The following SV2A variants were observed in gnomAD, a reference collection of about 807,000 sequenced individuals.
SV2A encodes the protein solute carrier family 22 member B1.
A neutral mutation model predicts 78.0 loss-of-function variants in SV2A; 25 were observed. The observed-to-expected ratio is 0.32, with a 90% CI of 0.23 to 0.45. The LOEUF (loss-of-function observed/expected upper bound fraction) is 0.45, where lower values mean the gene tolerates loss of function less well. Ranked by LOEUF, SV2A falls within the 20% of genes least tolerant of loss-of-function variation. The probability of loss-of-function intolerance (pLI) is 1.00; values close to 1 mark genes in which losing one functional copy is unlikely to be tolerated. For missense variants in SV2A, 752 were observed against 971.5 expected (o/e 0.77, Z 3.00); for synonymous variants, 355 against 384.7 (o/e 0.92, Z 0.90).
Position 149,910,439 on chromosome 1 carries a change from C to T in SV2A, c.1089+131G>A, listed in dbSNP as rs1553763525. 1 of 1,311,770 alleles carries T rather than the reference C, an allele frequency of 7.6e-7. No individual in the cohort carries two copies. Among genetic ancestry groups the T allele is most frequent in the African/African-American group, 1.5e-5 (1 of 67,272 alleles). The allele number at this position is 1,311,770 out of a possible 1,614,324, so 81.3% of individuals were successfully genotyped here. ...GATAAAGTCCCCTGGAGAGTGGACT[C>T]TGTGAGGAAGGCAGGCAGTCAAACA... On this transcript the variant is annotated intron_variant, in intron 5 of 12. Coordinates refer to ENST00000369146, the MANE Select transcript of SV2A (RefSeq NM_014849.5). The surrounding 1 kb of genome is among the most constrained non-coding windows in gnomAD (Gnocchi z 4.2).
At position 149,913,914 on chromosome 1, in the gene SV2A, TAG is replaced by T. The variant is rs2092495221; in HGVS notation, c.-76_-75del. ...TTTCAGCTTTTTGCTCAAGGACTTG[TAG>T]AGTCAAAAAGACCCCTCCCCACAGT... is the stretch of plus-strand genomic sequence containing the variant. On this transcript the variant is annotated 5_prime_UTR_variant, in exon 2 of 13. Transcript: ENST00000369146. The T allele has an allele frequency of 3.4e-5, 52 of 1,521,536 alleles. No homozygotes were observed. The South Asian group carries it at 5.5e-4, about 16-fold the overall frequency. 94.3% of individuals were successfully genotyped at this position (1,521,536 alleles called of 1,614,324 possible).
At position 149,910,741 on chromosome 1, in the gene SV2A, A is replaced by G; in HGVS notation, c.956-38T>C. The G allele has an allele frequency of 6.2e-7, 1 of 1,613,148 alleles. No homozygotes were observed. The highest frequency in any genetic ancestry group is 1.3e-5 in the African/African-American group (1 of 75,004). On this transcript the variant is annotated intron_variant, in intron 4 of 12. Transcript: ENST00000369146. The surrounding 1 kb of genome is among the most constrained non-coding windows in gnomAD (Gnocchi z 4.2). ...AAGTGACAGCATCAGCAGAGAGGCC[A>G]GAGGCTGGGGGAACCCACCACAGGG... is the stretch of plus-strand genomic sequence containing the variant.
chr1:149,908,742 A>T (rs193284441), intron 8 of SV2A, among the ~76,000 whole-genome samples: 83 of 152,048 alleles, frequency 5.5e-4, no homozygotes, highest in African/African-American at 1.8e-3. Flanking sequence ...GATTCACACC[A>T]TTCTCCTGCC....
intron 2 of SV2A, among the ~76,000 whole-genome samples, chr1:149,912,381 G>C (rs1031721014): frequency 6.6e-6 from 1 of 152,024 alleles, no homozygotes; most frequent in Non-Finnish European, 1.5e-5. Context: ...GCTCTCATTT[G>C]TTCCTGGGGA....
intron 12 of SV2A, chr1:149,905,549 G>C (rs2092432120): frequency 3.3e-6 from 1 of 307,318 alleles, no homozygotes; most frequent in South Asian, 5.0e-5. Flanking sequence ...CACCTCCCGG[G>C]TTCAAGCAAT....
Position 149,905,041 on chromosome 1 carries a change from A to G in SV2A, c.2202T>C (p.Pro734=). ...ACTGCAGCACCTGCCCCCGGGTCTC[A>G]GGCAGCTTCAGGGCCAGAGAGCTGC... ...ALGSSLALKL[P]ETRGQVLQ Residue 734 remains proline, a synonymous_variant, in exon 13 of 13, where the codon CCT becomes CCC. Transcript: ENST00000369146. The G allele has an allele frequency of 6.2e-7, 1 of 1,612,506 alleles. No individual in the cohort carries two copies. The highest frequency in any genetic ancestry group is 2.2e-5 in the East Asian group (1 of 44,852).
intron 6 of SV2A, 111 bp from the exon 7 acceptor site, chr1:149,909,682 T>C (rs1292560851): frequency 1.6e-5 from 23 of 1,429,384 alleles, no homozygotes; most frequent in Non-Finnish European, 2.3e-5. Flanking sequence ...GTGGATATGA[T>C]ACCCTGAAAA....
chr1:149,905,920 G>A lies in SV2A; in HGVS notation c.2005C>T (p.Leu669=). 6.2e-7 allele frequency: 1 copy of A among 1,614,062 alleles called. No homozygotes were observed. Among genetic ancestry groups the A allele is most frequent in the Non-Finnish European group, 8.5e-7 (1 of 1,180,028 alleles). The change falls in exon 12 of 13, where the codon CTG becomes TTG. Residue 669 remains leucine, a synonymous_variant. Transcript: ENST00000369146. ...GGVSIASWNA[L]DVLTVELYPS... ...TAGAGTTCAACAGTCAACACGTCCA[G>A]CGCATTCCAGGATGCAATGCTGACC...
At chr1:149,912,821 A>AT (rs367765668) in intron 2 of SV2A, among the ~76,000 whole-genome samples, 4,411 of 68,030 alleles carry the variant, frequency 0.065, 221 homozygotes, top group African/African-American at 0.2. Flanking sequence ...GACTCTCCCC[A>AT]TTTATACCAA....
chr1:149,905,430 T>G (rs950097283), intron 12 of SV2A: 11 of 425,616 alleles, frequency 2.6e-5, no homozygotes, highest in Non-Finnish European at 3.3e-5. Context: ...GAGGAGTAGA[T>G]ACAAAAGCTA....
Position 149,910,579 on chromosome 1 carries a change from G to A in SV2A, c.1080C>T (p.Phe360=), listed in dbSNP as rs782237881. Residue 360 remains phenylalanine, a synonymous_variant, in exon 5 of 13, where the codon TTC becomes TTT. Coordinates refer to ENST00000369146, the MANE Select transcript of SV2A (RefSeq NM_014849.5). This position sits in a 1 kb window ranked among gnomAD's most constrained non-coding sequence, Gnocchi z 4.2. The part of the protein sequence containing the change: ...ALTTQPESPR[F]FLENGKHDEA... ...AGCTCAGCCCCATCACCTCTAGGAA[G>A]AAACGGGGGCTCTCAGGCTGCGTGG... 1.1e-5 allele frequency: 18 copies of A among 1,609,148 alleles called. No individual in the cohort carries two copies. The highest frequency in any genetic ancestry group is 1.3e-5 in the Non-Finnish European group (15 of 1,177,864).
chr1:149,906,136 G>A, intron 11 of SV2A, 97 bp from the exon 12 acceptor site: 2 of 1,455,204 alleles, frequency 1.4e-6, no homozygotes, highest in Non-Finnish European at 1.9e-6. Flanking sequence ...GATAGCCCAG[G>A]ATGAGACTTG....
rs200303127 is a variant in SV2A, at chr1:149,909,484, G to A, written c.1267C>T (p.Arg423Trp). ...ACCTGCCCCCCTAGGCTCAAGGCCC[G>A]GACCCCCCAGCGCTGGTACCAGGTC... ...TGTWYQRWGV[R>W]ALSLGGQVWG... Residue 423 changes from arginine (R) to tryptophan (W), a missense_variant, in exon 7 of 13, where the codon CGG becomes TGG. Transcript: ENST00000369146. 45 of 1,613,256 alleles carry A rather than the reference G, an allele frequency of 2.8e-5. No homozygotes were observed. The highest frequency in any genetic ancestry group is 2.0e-4 in the Admixed American group (12 of 59,926).
At chr1:149,908,783 G>A (rs373202816) in intron 8 of SV2A, among the ~76,000 whole-genome samples, 9 of 151,974 alleles carry the variant, frequency 5.9e-5, no homozygotes, top group South Asian at 2.1e-4. Flanking sequence ...GACTACAGGC[G>A]CCCACCACCA....
chr1:149,915,099 A>T (rs1018475047), intron 1 of SV2A, among the ~76,000 whole-genome samples: 1 of 152,182 alleles, frequency 6.6e-6, no homozygotes, highest in Non-Finnish European at 1.5e-5. Flanking sequence ...AACTGATCTC[A>T]GTCAGGGTAG....
Position 149,913,933 on chromosome 1 carries a change from C to A in SV2A, c.-93G>T. The A allele has an allele frequency of 6.7e-7, 1 of 1,503,246 alleles. No individual in the cohort carries two copies. The highest frequency in any genetic ancestry group is 8.9e-7 in the Non-Finnish European group (1 of 1,128,454). 93.1% of individuals were successfully genotyped at this position (1,503,246 alleles called of 1,614,324 possible). On this transcript the variant is annotated 5_prime_UTR_variant, in exon 2 of 13. Coordinates refer to ENST00000369146, the MANE Select transcript of SV2A (RefSeq NM_014849.5). ...GACTTGTAGAGTCAAAAAGACCCCT[C>A]CCCACAGTTACTTAGATGAAGCGTG...
At chr1:149,916,259 G>A (rs941535745) in intron 1 of SV2A, among the ~76,000 whole-genome samples, 6 of 152,192 alleles carry the variant, frequency 3.9e-5, no homozygotes, top group Non-Finnish European at 8.8e-5. Flanking sequence ...CGTAGGGCAG[G>A]GAAGCCTTCC....
chr1:149,915,782 C>T (rs1357027766), intron 1 of SV2A, among the ~76,000 whole-genome samples: 1 of 152,078 alleles, frequency 6.6e-6, no homozygotes, highest in Non-Finnish European at 1.5e-5. Context: ...ATGGGATAGC[C>T]CCCTTCCTTC....
At chr1:149,909,351 G>A (rs1422444076) in intron 7 of SV2A, 71 bp from the exon 8 acceptor site, 2 of 1,572,550 alleles carry the variant, frequency 1.3e-6, no homozygotes, top group Non-Finnish European at 1.8e-6. Context: ...CCACTTTTCT[G>A]CCCTCCCACC....
Sources: gnomAD v4.1 joint callset for allele counts (sites outside exome capture counted in the v4.1 genomes callset) on GRCh38, gnomAD v4.1.1 for gene constraint, Gnocchi (gnomAD v3.1) non-coding constraint, MANE v1.5 for transcripts, NCBI Gene and HGNC (gene_info 2026-07-23, HGNC 2026-07-21) for gene names.